Variants in NEDD9 observed in about 807,000 individuals in gnomAD.
The protein encoded by NEDD9 is neural precursor cell expressed, developmentally down-regulated 9, also known as enhancer of filamentation 1.
NEDD9 carries 26 observed loss-of-function variants against 76.6 expected under a neutral mutation model. The observed-to-expected ratio is 0.34, with a 90% CI of 0.25 to 0.47. The LOEUF is 0.47. Ranked by LOEUF, NEDD9 falls within the 20% of genes least tolerant of loss-of-function variation. The pLI is 1.00. For missense variants in NEDD9, 937 were observed against 1,058.5 expected, an observed-to-expected ratio of 0.89 and a Z score of 1.59; for synonymous variants, 392 against 414.2, an observed-to-expected ratio of 0.95 and a Z score of 0.65.
chr6:11,296,278 T>C (rs1274435435), intron 3 of NEDD9, among the ~76,000 whole-genome samples: 4 of 152,154 alleles, frequency 2.6e-5, no homozygotes, highest in East Asian at 3.9e-4. Flanking sequence ...GCAGATACAA[T>C]AGGCGGATTT....
chr6:11,381,021 T>C (rs1044781000), intron 1 of NEDD9, among the ~76,000 whole-genome samples: 4 of 152,292 alleles, frequency 2.6e-5, no homozygotes, highest in East Asian at 3.9e-4. Context: ...TAAATAGCTG[T>C]TAAATAAACT....
At chr6:11,293,856 T>A (rs907983126) in intron 3 of NEDD9, among the ~76,000 whole-genome samples, 19 of 152,198 alleles carry the variant, frequency 1.2e-4, no homozygotes, top group African/African-American at 4.6e-4. Flanking sequence ...CTGTCTTTTT[T>A]AGATGCCATA....
intron 2 of NEDD9, among the ~76,000 whole-genome samples, chr6:11,202,840 T>C (rs961325892): frequency 2.6e-5 from 4 of 152,252 alleles, no homozygotes; most frequent in Admixed American, 1.3e-4. Flanking sequence ...CCTGATTTTA[T>C]GCCAGAACTA....
In NEDD9 at chr6:11,184,549, T is replaced by C. The variant is rs1245708854; in HGVS notation, c.*613A>G. 1 of 152,776 alleles carries C rather than the reference T, an allele frequency of 6.5e-6. No homozygotes were observed. The highest frequency in any genetic ancestry group is 1.5e-5 in the Non-Finnish European group (1 of 68,444). 9.5% of individuals were successfully genotyped at this position (152,776 alleles called of 1,614,324 possible). ...AACTATCAGAGCTTGGATCCACATA[T>C]ATATTCTGAAATTTGCTCCGCAAGA... On this transcript the variant is annotated 3_prime_UTR_variant, in exon 7 of 7. Coordinates refer to ENST00000379446, the MANE Select transcript of NEDD9 (RefSeq NM_006403.4).
chr6:11,203,215 C>A (rs774659606), intron 2 of NEDD9, among the ~76,000 whole-genome samples: 24 of 152,168 alleles, frequency 1.6e-4, no homozygotes, highest in Non-Finnish European at 3.4e-4. Context: ...AAGCCTGTGA[C>A]AAGTTGGATA....
intron 2 of NEDD9, among the ~76,000 whole-genome samples, chr6:11,311,015 C>T (rs1324478783): frequency 1.3e-5 from 2 of 152,136 alleles, no homozygotes; most frequent in Non-Finnish European, 2.9e-5. Context: ...TCCTGTCTTG[C>T]CTTCTATGGG....
chr6:11,365,517 A>C (rs1366723735), intron 1 of NEDD9, among the ~76,000 whole-genome samples: 1 of 152,238 alleles, frequency 6.6e-6, no homozygotes, highest in African/African-American at 2.4e-5. Flanking sequence ...AGTAAGAAAT[A>C]TAGATTAAAA....
intron 3 of NEDD9, among the ~76,000 whole-genome samples, chr6:11,238,998 G>A (rs9461572): frequency 0.42 from 64,246 of 151,798 alleles, 13,746 homozygotes; most frequent in Admixed American, 0.48. Flanking sequence ...CAACTCTACA[G>A]AAATAAAAAT....
At chr6:11,199,939 C>CT (rs1758399668) in intron 2 of NEDD9, 1 of 155,270 alleles carries the variant, frequency 6.4e-6, no homozygotes, top group Non-Finnish European at 1.4e-5. Context: ...TCCGAAAGTG[C>CT]TGGGATTACA....
At chr6:11,367,384 A>T (rs977597039) in intron 1 of NEDD9, among the ~76,000 whole-genome samples, 2 of 152,230 alleles carry the variant, frequency 1.3e-5, no homozygotes, top group African/African-American at 4.8e-5. Flanking sequence ...TGTTAAAGTT[A>T]TTATATGGCC....
intron 3 of NEDD9, among the ~76,000 whole-genome samples, chr6:11,267,025 A>G (rs1285509093): frequency 6.6e-6 from 1 of 152,246 alleles, no homozygotes; most frequent in African/African-American, 2.4e-5. Context: ...TTTTGCTTTT[A>G]GCCCAAGAGT....
chr6:11,282,034 C>T (rs544758199), intron 3 of NEDD9, among the ~76,000 whole-genome samples: 8 of 152,278 alleles, frequency 5.3e-5, no homozygotes, highest in East Asian at 1.9e-4. Flanking sequence ...CCACTGTGCC[C>T]GGCCCTCAGA....
At chr6:11,311,975 T>C (rs1028887019) in intron 2 of NEDD9, among the ~76,000 whole-genome samples, 4 of 152,184 alleles carry the variant, frequency 2.6e-5, no homozygotes, top group Non-Finnish European at 5.9e-5. Context: ...TAAATGATGC[T>C]CTTTCCTTGG....
At chr6:11,274,472 G>T (rs1206193781) in intron 3 of NEDD9, among the ~76,000 whole-genome samples, 1 of 152,160 alleles carries the variant, frequency 6.6e-6, no homozygotes, top group Non-Finnish European at 1.5e-5. Flanking sequence ...AGCACCCCTA[G>T]GTCTATCCTT....
rs1295370997 is a variant in NEDD9 at position 11,370,279 on chromosome 6, A to G, written c.-214+11860T>C. 6.6e-6 allele frequency among the ~76,000 whole-genome samples: 1 copy of G among 152,176 alleles called. No homozygotes were observed. Among genetic ancestry groups the G allele is most frequent in the Admixed American group, 6.5e-5 (1 of 15,280 alleles). On this transcript the variant is annotated intron_variant, in intron 1 of 3. Coordinates refer to the NEDD9 transcript ENST00000397378. This position sits in a 1 kb window ranked among gnomAD's most constrained non-coding sequence, Gnocchi z 4.2. ...TATGCTGAAGCAAGAAGTGAGGAAC[A>G]TTGTCTTTGAAAAATGCTCTGACCA...
chr6:11,375,154 G>T (rs1184934063), intron 1 of NEDD9, among the ~76,000 whole-genome samples: 2 of 152,222 alleles, frequency 1.3e-5, no homozygotes, highest in African/African-American at 4.8e-5. Flanking sequence ...CCAACTGATA[G>T]AAATGATAGA....
At chr6:11,302,387 C>G (rs1761071771) in intron 3 of NEDD9, among the ~76,000 whole-genome samples, 2 of 151,896 alleles carry the variant, frequency 1.3e-5, no homozygotes, top group African/African-American at 4.8e-5. Context: ...GCCTACCAAC[C>G]AAAAAAAGTC....
At chr6:11,219,014 G>A (rs1759059197) in intron 1 of NEDD9, among the ~76,000 whole-genome samples, 1 of 152,122 alleles carries the variant, frequency 6.6e-6, no homozygotes, top group African/African-American at 2.4e-5. Flanking sequence ...TCTGCTTTTG[G>A]CACTAGGTGA....
At chr6:11,354,454 G>T (rs1205468514) in intron 1 of NEDD9, among the ~76,000 whole-genome samples, 1 of 152,180 alleles carries the variant, frequency 6.6e-6, no homozygotes, top group African/African-American at 2.4e-5. Context: ...ACTGACAATG[G>T]TGACCTTGGA....
Sources: gnomAD v4.1 joint callset for allele counts (sites outside exome capture counted in the v4.1 genomes callset) on GRCh38, gnomAD v4.1.1 for gene constraint, Gnocchi (gnomAD v3.1) non-coding constraint, MANE v1.5 for transcripts, NCBI Gene and HGNC (gene_info 2026-07-23, HGNC 2026-07-21) for gene names.